PCNT: variants seen among roughly 807,000 people sequenced by gnomAD.
PCNT encodes the protein pericentrin.
Under a neutral mutation model 380.4 loss-of-function variants are expected in PCNT, and 319 were observed. The ratio of observed to expected loss-of-function variants is 0.84; its 90% CI spans 0.77 to 0.92. The LOEUF is 0.92. PCNT is among the 40% of genes least tolerant of loss of function. The probability of loss-of-function intolerance (pLI) is 0.00; values close to 1 mark genes in which losing one functional copy is unlikely to be tolerated. For synonymous variants in PCNT, 1,845 were observed against 1,735.2 expected (o/e 1.06, Z -1.57); for missense variants, 4,400 against 4,255.3 (o/e 1.03, Z -0.95).
intron 31 of PCNT, among the ~76,000 whole-genome samples, chr21:46,419,485 G>A (rs1378125735): frequency 6.6e-6 from 1 of 152,134 alleles, no homozygotes; most frequent in Non-Finnish European, 1.5e-5. Flanking sequence ...CTTGCTACAC[G>A]AGGTGCAGTC....
Position 46,354,013 on chromosome 21 carries a change from A to G in PCNT, c.1706A>G (p.Lys569Arg), listed in dbSNP as rs1276173764. 2 of 1,614,122 alleles carry G rather than the reference A, an allele frequency of 1.2e-6. No individual in the cohort carries two copies. Among genetic ancestry groups the G allele is most frequent in the Non-Finnish European group, 8.5e-7 (1 of 1,179,974 alleles). Residue 569 changes from lysine (K) to arginine (R), a missense_variant, in exon 11 of 47, where the codon AAA becomes AGA. Physicochemically the swap from Lys to Arg is conservative, Grantham distance 26. Coordinates refer to ENST00000359568, the MANE Select transcript of PCNT (RefSeq NM_006031.6). ...VGLSCVGLEE[K>R]PEKGRKDHVD... ...TTGTCCTGTGTGGGTTTAGAAGAGAAACCTGAGAAAGGAAGAAAAGATCAC... is the reference window on the plus strand; with the variant it reads ...TTGTCCTGTGTGGGTTTAGAAGAGAGACCTGAGAAAGGAAGAAAAGATCAC...
intron 15 of PCNT, among the ~76,000 whole-genome samples, chr21:46,372,201 G>A (rs1010560062): frequency 8.4e-5 from 12 of 142,514 alleles, no homozygotes; most frequent in African/African-American, 2.9e-4. Flanking sequence ...CACACACACA[G>A]AGAGCACATG....
At position 46,357,199 on chromosome 21, in the gene PCNT, G is replaced by C. The variant is rs778407564; in HGVS notation, c.2154+8G>C. 1.1e-5 allele frequency: 18 copies of C among 1,581,684 alleles called. No individual in the cohort carries two copies. The highest frequency in any genetic ancestry group is 1.6e-5 in the Non-Finnish European group (18 of 1,150,448). Reference sequence around the variant, plus strand: ...AAGGACGATTTGGAGAAGGTGAGTCGTGACTCCACAGCCCAGCGCCTCCCG... The same window carrying C: ...AAGGACGATTTGGAGAAGGTGAGTCCTGACTCCACAGCCCAGCGCCTCCCG... On this transcript the variant is annotated splice_region_variant and intron_variant, in intron 13 of 46. Transcript: ENST00000359568.
In PCNT at chr21:46,422,086, G is replaced by A. The variant is rs750546295; in HGVS notation, c.7141G>A (p.Ala2381Thr). 1 of 1,613,984 alleles carries A rather than the reference G, an allele frequency of 6.2e-7. No individual in the cohort carries two copies. The highest frequency in any genetic ancestry group is 8.5e-7 in the Non-Finnish European group (1 of 1,180,030). Reference sequence around the variant, plus strand: ...TGGAAGGTTTCAGCCGCTGCCGGAAGCCATGAAGGAGAAGGAAGTGCGTCC... The same window carrying A: ...TGGAAGGTTTCAGCCGCTGCCGGAAACCATGAAGGAGAAGGAAGTGCGTCC... ...ISGRFQPLPE[A>T]MKEKEVRPKH... The change falls in exon 32 of 47, where the codon GCC (alanine) becomes ACC (threonine). Residue 2381 changes from alanine (A) to threonine (T), a missense_variant. Coordinates refer to ENST00000359568, the MANE Select transcript of PCNT (RefSeq NM_006031.6).
chr21:46,380,178 T>TTTG (rs1256860225), intron 15 of PCNT, among the ~76,000 whole-genome samples: 18 of 70,288 alleles, frequency 2.6e-4, no homozygotes, highest in African/African-American at 2.2e-4. Context: ...TTTTTTTTTT[T>TTTG]TTTTTGAGAC....
intron 19 of PCNT, among the ~76,000 whole-genome samples, chr21:46,390,463 G>A (rs575495112): frequency 2.6e-5 from 4 of 152,288 alleles, no homozygotes; most frequent in Admixed American, 2.6e-4. Context: ...TGAACTGGGA[G>A]GCTGAGGAGG....
At chr21:46,344,310 A>G (rs972800275) in intron 3 of PCNT, among the ~76,000 whole-genome samples, 1 of 152,024 alleles carries the variant, frequency 6.6e-6, no homozygotes, top group Non-Finnish European at 1.5e-5. Flanking sequence ...TCCTGACCTC[A>G]TGATCCACCT....
At chr21:46,326,337 C>CT in intron 1 of PCNT, 40 bp from the exon 2 acceptor site, 1 of 1,597,272 alleles carries the variant, frequency 6.3e-7, no homozygotes, top group Non-Finnish European at 8.6e-7. Flanking sequence ...TTTTTTCTCA[C>CT]TTACCTTTGC....
chr21:46,357,929 G>T (rs533544755), intron 13 of PCNT, among the ~76,000 whole-genome samples: 3 of 152,386 alleles, frequency 2.0e-5, no homozygotes, highest in East Asian at 1.9e-4. Flanking sequence ...CCCTTTGCGA[G>T]TGTGAGGACA....
rs35809541 is a variant in PCNT at position 46,426,336 on chromosome 21, A to AT, written c.7320+373dup. ...CATGAGCCACCGTGCCTGGCCTAGGATTTTTTTTAGCACGGCCAAAAAGAC... is the reference window on the plus strand; with the variant it reads ...CATGAGCCACCGTGCCTGGCCTAGGATTTTTTTTTAGCACGGCCAAAAAGAC... On this transcript the variant is annotated intron_variant, in intron 33 of 46. Transcript: ENST00000359568. Among the ~76,000 whole-genome samples, 6 of 151,832 alleles carry AT rather than the reference A, an allele frequency of 4.0e-5. 1 individual carries two copies. Among genetic ancestry groups the AT allele is most frequent in the Admixed American group, 1.3e-4 (2 of 15,256 alleles).
At chr21:46,363,998 G>C (rs2146860473) in intron 14 of PCNT, 64 bp downstream of exon 14, 1 of 1,492,514 alleles carries the variant, frequency 6.7e-7, no homozygotes, top group South Asian at 1.1e-5. Flanking sequence ...GGTAGAAGGT[G>C]GGCAGGCTCC....
chr21:46,368,710 A>T (rs145756692), intron 15 of PCNT, among the ~76,000 whole-genome samples: 1 of 152,212 alleles, frequency 6.6e-6, no homozygotes, highest in African/African-American at 2.4e-5. Flanking sequence ...GGGCTGGCCT[A>T]TCTCCCTGCA....
At chr21:46,387,687 C>T (rs1426864665) in intron 17 of PCNT, among the ~76,000 whole-genome samples, 3 of 152,258 alleles carry the variant, frequency 2.0e-5, no homozygotes, top group South Asian at 2.1e-4. Flanking sequence ...GGGGCCTGCA[C>T]GACACTGCCT....
chr21:46,416,902 C>T (rs1176137791), intron 30 of PCNT, 63 bp downstream of exon 30: 46 of 1,519,376 alleles, frequency 3.0e-5, no homozygotes, highest in Middle Eastern at 2.3e-4. Flanking sequence ...CCCGGCGCCA[C>T]GGCAGCTGCC....
Position 46,383,408 on chromosome 21 carries a change from GTGT to G in PCNT, c.3312+1572_3312+1574del, listed in dbSNP as rs1485382982. On this transcript the variant is annotated intron_variant, in intron 16 of 46. Coordinates refer to ENST00000359568, the MANE Select transcript of PCNT (RefSeq NM_006031.6). ...ATTCAGTGACGGAAGCGCATTCACG[GTGT>G]TGTGCATTCAGTGGCAGAAGCGCAT... is the stretch of plus-strand genomic sequence containing the variant. Among the ~76,000 whole-genome samples the G allele has an allele frequency of 3.4e-5, 5 of 144,950 alleles. No individual in the cohort carries two copies. The South Asian group carries it at 6.9e-4, about 20-fold the overall frequency.
intron 36 of PCNT, 110 bp from the exon 37 acceptor site, chr21:46,430,397 A>C: frequency 6.9e-7 from 1 of 1,452,740 alleles, no homozygotes; most frequent in Non-Finnish European, 9.4e-7. Flanking sequence ...TGGGGGGTGA[A>C]GCACACGTGT....
At position 46,366,962 on chromosome 21, in the gene PCNT, C is replaced by CTT. The variant is rs1226165772; in HGVS notation, c.2990_2991dup (p.Glu998LeufsTer16). 10 of 1,614,126 alleles carry CTT rather than the reference C, an allele frequency of 6.2e-6. No homozygotes were observed. Among genetic ancestry groups the CTT allele is most frequent in the Non-Finnish European group, 6.8e-6 (8 of 1,180,060 alleles). On this transcript the variant is annotated frameshift_variant, in exon 15 of 47. Transcript: ENST00000359568. LOFTEE classifies it high-confidence loss of function. ...AGGCCCTAGAGCTCTTACGAGCAGACTTTGAGGAACAACTGTGGAAAAAGG... is the reference window on the plus strand; with the variant it reads ...AGGCCCTAGAGCTCTTACGAGCAGACTTTTTGAGGAACAACTGTGGAAAAAGG...
In PCNT at chr21:46,397,406, G is replaced by A. The variant is rs373583081; in HGVS notation, c.4358G>A (p.Cys1453Tyr). 23 of 1,614,214 alleles carry A rather than the reference G, an allele frequency of 1.4e-5. No homozygotes were observed. The African/African-American group carries it at 2.8e-4, about 20-fold the overall frequency. ...GAACAGCTGTCTCAGCATCGCGGGT[G>A]TGCCAAGCAGGCGGAGGCCGTCACT... ...LEEQLSQHRG[C>Y]AKQAEAVTAL... Residue 1453 changes from cysteine (C) to tyrosine (Y), a missense_variant, in exon 22 of 47, where the codon TGT becomes TAT. Cys to Tyr is a radical substitution (Grantham distance 194). Transcript: ENST00000359568.
In PCNT at chr21:46,416,797, G is replaced by T; in HGVS notation, c.6879G>T (p.Glu2293Asp). Residue 2293 changes from glutamate (E) to aspartate (D), a missense_variant, in exon 30 of 47, where the codon GAG becomes GAT. Glu to Asp is a conservative substitution (Grantham distance 45). Coordinates refer to ENST00000359568, the MANE Select transcript of PCNT (RefSeq NM_006031.6). ...CAGCGCTGGCACTGCAGTGGGCCGA[G>T]TCTCCGCCGGCTGACGACCACCATG... ...SAAALALQWAESPPADDHHVQ... is the reference protein window; with the variant it reads ...SAAALALQWADSPPADDHHVQ... 6.2e-7 allele frequency: 1 copy of T among 1,600,374 alleles called. No homozygotes were observed. Among genetic ancestry groups the T allele is most frequent in the Non-Finnish European group, 8.5e-7 (1 of 1,179,378 alleles).
Sources: allele counts gnomAD v4.1 joint callset (sites outside exome capture counted in the v4.1 genomes callset), GRCh38; gene constraint gnomAD v4.1.1; transcripts MANE v1.5; gene names NCBI Gene and HGNC (gene_info 2026-07-23, HGNC 2026-07-21).